The following MICU1 variants were observed in gnomAD, a reference collection of about 807,000 sequenced individuals.
The protein encoded by MICU1 is calcium uptake protein 1, mitochondrial.
MICU1 carries 45 observed loss-of-function variants against 56.8 expected under a neutral mutation model. The observed-to-expected ratio is 0.79, with a 90% CI of 0.62 to 1.02. The LOEUF is 1.02. Ranked by LOEUF, MICU1 falls within the 50% of genes least tolerant of loss-of-function variation. MICU1 has a pLI of 0.00. For synonymous variants in MICU1, 186 were observed against 195.1 expected, an observed-to-expected ratio of 0.95 and a Z score of 0.39; for missense variants, 504 against 587.1, an observed-to-expected ratio of 0.86 and a Z score of 1.46.
intron 3 of MICU1, among the ~76,000 whole-genome samples, chr10:72,555,752 A>G (rs1483368271): frequency 2.6e-5 from 4 of 152,216 alleles, no homozygotes; most frequent in African/African-American, 7.2e-5. Context: ...CTCTACTTGC[A>G]TGGTAGTCCA....
chr10:72,418,805 A>C (rs1350765083), intron 9 of MICU1, among the ~76,000 whole-genome samples: 1 of 152,248 alleles, frequency 6.6e-6, no homozygotes, highest in Non-Finnish European at 1.5e-5. Flanking sequence ...AAATGGTCCT[A>C]GAGAGATGGA....
rs1396833051 is a variant in MICU1, at chr10:72,569,226, TA to T, written c.-1-2433del. Among the ~76,000 whole-genome samples the T allele has an allele frequency of 9.0e-3, 476 of 52,970 alleles. 16 individuals are homozygous for T. Among genetic ancestry groups the T allele is most frequent in the East Asian group, 0.051 (101 of 1,976 alleles). 34.8% of individuals were successfully genotyped at this position (52,970 alleles called of 152,430 possible). On this transcript the variant is annotated intron_variant, in intron 1 of 11. Transcript: ENST00000361114. The stretch of plus-strand genomic sequence containing the variant: ...ATATGCATATATATATATATATATA[TA>T]TATATATATATTTTTTTTTTTTTTT...
intron 10 of MICU1, among the ~76,000 whole-genome samples, chr10:72,405,563 C>T (rs540755070): frequency 1.5e-5 from 2 of 130,938 alleles, no homozygotes; most frequent in Non-Finnish European, 3.4e-5. Context: ...ACATAAAACC[C>T]GAAAAGACAT....
At chr10:72,459,342 CAAAACCAA>C (rs894808406) in intron 8 of MICU1, among the ~76,000 whole-genome samples, 12 of 152,088 alleles carry the variant, frequency 7.9e-5, no homozygotes, top group African/African-American at 2.4e-4. Flanking sequence ...AAAACAAAAA[CAAAACCAA>C]AAAACCAAAA....
chr10:72,426,707 GA>G (rs893630042), intron 8 of MICU1, among the ~76,000 whole-genome samples: 1 of 152,100 alleles, frequency 6.6e-6, no homozygotes, highest in African/African-American at 2.4e-5. Context: ...CTGAATTTTG[GA>G]TTAGTGATGC....
Position 72,395,054 on chromosome 10 carries a change from C to T in MICU1, c.1180+12875G>A, listed in dbSNP as rs192948000. Among the ~76,000 whole-genome samples, 724 of 152,124 alleles carry T rather than the reference C, an allele frequency of 4.8e-3. 3 individuals carry two copies. The highest frequency in any genetic ancestry group is 0.017 in the African/African-American group (696 of 41,492). The stretch of plus-strand genomic sequence containing the variant: ...TTTAGCTGGGCGTGGTGGCGGGTGC[C>T]TGTAATCCCAGCTACTTGGGAGGCT... On this transcript the variant is annotated intron_variant, in intron 10 of 11. Coordinates refer to ENST00000361114, the MANE Select transcript of MICU1 (RefSeq NM_001195518.2).
At chr10:72,506,140 G>A (rs1214440445) in intron 6 of MICU1, among the ~76,000 whole-genome samples, 1 of 152,112 alleles carries the variant, frequency 6.6e-6, no homozygotes, top group Non-Finnish European at 1.5e-5. Context: ...TAGGAGTTGA[G>A]CACCATAAAG....
At chr10:72,419,623 A>T (rs79961481) in intron 9 of MICU1, among the ~76,000 whole-genome samples, 4,593 of 152,346 alleles carry the variant, frequency 0.03, 228 homozygotes, top group African/African-American at 0.11. Flanking sequence ...CACAAAGACT[A>T]ACTAGGAAAA....
At chr10:72,386,517 G>A (rs902051225) in intron 10 of MICU1, among the ~76,000 whole-genome samples, 6 of 148,208 alleles carry the variant, frequency 4.0e-5, no homozygotes, top group Admixed American at 1.4e-4. Context: ...CAACTTCTAC[G>A]TTATATAGAG....
chr10:72,573,772 G>T (rs964422057), intron 1 of MICU1, among the ~76,000 whole-genome samples: 4 of 152,078 alleles, frequency 2.6e-5, no homozygotes, highest in African/African-American at 9.7e-5. Context: ...GAAGGCAGTT[G>T]TTGCATTCCC....
chr10:72,423,250 T>C lies in MICU1; in HGVS notation c.1055A>G (p.His352Arg). The C allele has an allele frequency of 6.2e-7, 1 of 1,613,628 alleles. No homozygotes were observed. Among genetic ancestry groups the C allele is most frequent in the Non-Finnish European group, 8.5e-7 (1 of 1,179,752 alleles). Reference protein sequence around the residue: ...LTAMQRQLKKHFKEGKGLTFQ... With the variant: ...LTAMQRQLKKRFKEGKGLTFQ... ...GCTACCTACCTTTCCTTCTTTGAAG[T>C]GCTTCTTGAGCTGCCTCTGCATGGC... The change falls in exon 9 of 12, where the codon CAC (histidine) becomes CGC (arginine). Residue 352 changes from histidine to arginine, a missense_variant. Transcript: ENST00000361114.
In MICU1 at chr10:72,458,879, ATTT is replaced by A. The variant is rs538552469; in HGVS notation, c.933+16218_933+16220del. Among the ~76,000 whole-genome samples, 301 of 126,308 alleles carry A rather than the reference ATTT, an allele frequency of 2.4e-3. 1 individual carries two copies. The highest frequency in any genetic ancestry group is 4.9e-3 in the South Asian group (20 of 4,052). 82.9% of individuals were successfully genotyped at this position (126,308 alleles called of 152,430 possible). On this transcript the variant is annotated intron_variant, in intron 8 of 11. Coordinates refer to ENST00000361114, the MANE Select transcript of MICU1 (RefSeq NM_001195518.2). ...GTGCATGCCACTACACCCAGCTACC[ATTT>A]TTTTTTTTTTTTTTTGTATTTTTTT...
chr10:72,505,767 A>C (rs1867225064), intron 6 of MICU1, among the ~76,000 whole-genome samples: 1 of 152,162 alleles, frequency 6.6e-6, no homozygotes, highest in African/African-American at 2.4e-5. Context: ...CACTGGGTAC[A>C]TGTGGACATA....
intron 1 of MICU1, among the ~76,000 whole-genome samples, chr10:72,578,900 C>G (rs1320782698): frequency 6.6e-6 from 1 of 152,200 alleles, no homozygotes; most frequent in Non-Finnish European, 1.5e-5. Flanking sequence ...TCACCGCGCC[C>G]AGCCTGTTTT....
intron 5 of MICU1, among the ~76,000 whole-genome samples, chr10:72,510,650 TA>T (rs1389467842): frequency 9.2e-6 from 1 of 109,110 alleles, no homozygotes; most frequent in East Asian, 1.9e-4. Context: ...AGTCCTTTTT[TA>T]TTTTTTTTTT....
At chr10:72,406,114 A>G (rs1863622773) in intron 10 of MICU1, among the ~76,000 whole-genome samples, 1 of 152,056 alleles carries the variant, frequency 6.6e-6, no homozygotes, top group South Asian at 2.1e-4. Flanking sequence ...AAACAACTAG[A>G]AGAATAAGTG....
chr10:72,446,615 C>T (rs1413756116), intron 8 of MICU1, among the ~76,000 whole-genome samples: 3 of 152,174 alleles, frequency 2.0e-5, no homozygotes, highest in African/African-American at 7.2e-5. Flanking sequence ...AGATGTGAAC[C>T]ACCAGGCCCA....
intron 1 of MICU1, among the ~76,000 whole-genome samples, chr10:72,623,357 A>G (rs914309468): frequency 3.1e-5 from 4 of 130,436 alleles, no homozygotes; most frequent in Admixed American, 3.0e-4. Flanking sequence ...GGGGAGGGAG[A>G]AAGAAAGGGA....
intron 8 of MICU1, among the ~76,000 whole-genome samples, chr10:72,429,471 T>C (rs1016803805): frequency 6.6e-6 from 1 of 151,832 alleles, no homozygotes; most frequent in Non-Finnish European, 1.5e-5. Flanking sequence ...ATTAATTTTA[T>C]TTATTATTCA....
Sources: allele counts gnomAD v4.1 joint callset (sites outside exome capture counted in the v4.1 genomes callset), GRCh38; gene constraint gnomAD v4.1.1; transcripts MANE v1.5; gene names NCBI Gene and HGNC (gene_info 2026-07-23, HGNC 2026-07-21).